FMN2: variants seen among roughly 807,000 people sequenced by gnomAD.
FMN2 encodes formin 2, also known as formin-2.
FMN2 carries 51 observed loss-of-function variants against 142.3 expected under a neutral mutation model. The observed-to-expected ratio is 0.36, with a 90% CI of 0.29 to 0.45. The LOEUF is 0.45. Among genes scored for constraint, FMN2 ranks in the 20% least tolerant of loss-of-function variants. The pLI is 1.00. For synonymous variants in FMN2, 882 were observed against 869.8 expected (o/e 1.01, Z -0.25); for missense variants, 1,936 against 2,122.8 (o/e 0.91, Z 1.73).
At position 240,092,414 on chromosome 1, in the gene FMN2, C is replaced by G; in HGVS notation, c.305C>G (p.Ala102Gly). The change falls in exon 1 of 18, where the codon GCC (alanine) becomes GGC (glycine). Residue 102 changes from alanine (A) to glycine (G), a missense_variant. Transcript: ENST00000319653. Reference sequence around the variant, plus strand: ...CGCGAAGATGTACTGGATTCCCAGGCCCTGCAGACCGGGGAGCTGGACAGC... The same window carrying G: ...CGCGAAGATGTACTGGATTCCCAGGGCCTGCAGACCGGGGAGCTGGACAGC... The part of the protein sequence containing the change: ...GSREDVLDSQ[A>G]LQTGELDSAH... 1 of 1,612,398 alleles carries G rather than the reference C, an allele frequency of 6.2e-7. No individual in the cohort carries two copies. Among genetic ancestry groups the G allele is most frequent in the East Asian group, 2.2e-5 (1 of 44,804 alleles).
At chr1:240,137,511 A>T (rs1484438807) in intron 2 of FMN2, among the ~76,000 whole-genome samples, 1 of 152,206 alleles carries the variant, frequency 6.6e-6, no homozygotes, top group Admixed American at 6.5e-5. Context: ...CTCTATACTC[A>T]TGTAATACAT....
chr1:240,278,216 G>T (rs1669282807), intron 7 of FMN2, among the ~76,000 whole-genome samples: 1 of 152,278 alleles, frequency 6.6e-6, no homozygotes, highest in South Asian at 2.1e-4. Context: ...TGTCTGGAAT[G>T]AGCATTTGTA....
intron 8 of FMN2, among the ~76,000 whole-genome samples, chr1:240,318,382 G>A (rs935077573): frequency 1.3e-5 from 2 of 152,154 alleles, no homozygotes; most frequent in African/African-American, 2.4e-5. Flanking sequence ...CCTTTGTCTG[G>A]AGGAAGGAAA....
intron 7 of FMN2, among the ~76,000 whole-genome samples, chr1:240,293,776 T>C (rs1234168639): frequency 3.9e-5 from 6 of 152,122 alleles, no homozygotes; most frequent in Admixed American, 2.6e-4. Context: ...TTTTGGTGAA[T>C]CTGGGCTCCC....
At chr1:240,412,767 TG>T (rs1167898114) in intron 15 of FMN2, among the ~76,000 whole-genome samples, 2 of 152,038 alleles carry the variant, frequency 1.3e-5, no homozygotes, top group Non-Finnish European at 2.9e-5. Context: ...GGAAATGCAA[TG>T]CTTCCGGAGA....
chr1:240,467,710 G>A (rs1676668941), intron 16 of FMN2, among the ~76,000 whole-genome samples: 1 of 152,162 alleles, frequency 6.6e-6, no homozygotes, highest in South Asian at 2.1e-4. Context: ...CTGTTTCTGA[G>A]CATTGCTAGA....
At chr1:240,182,920 T>TA (rs930519228) in intron 3 of FMN2, among the ~76,000 whole-genome samples, 16 of 69,008 alleles carry the variant, frequency 2.3e-4, no homozygotes, top group African/African-American at 1.1e-3. Context: ...TTTTCTTTTC[T>TA]TTTTTTTTTT....
chr1:240,389,306 T>C (rs1453546604), intron 14 of FMN2, among the ~76,000 whole-genome samples: 1 of 152,166 alleles, frequency 6.6e-6, no homozygotes, highest in East Asian at 1.9e-4. Context: ...TAGAAAACAA[T>C]ACATGTATAA....
chr1:240,189,280 C>T (rs1003231244), intron 4 of FMN2, among the ~76,000 whole-genome samples: 5 of 151,860 alleles, frequency 3.3e-5, no homozygotes, highest in African/African-American at 1.2e-4. Context: ...TTTACATTTT[C>T]ACCCAACTAT....
chr1:240,189,752 CTTAA>C (rs1312410462), intron 4 of FMN2, among the ~76,000 whole-genome samples: 1 of 152,056 alleles, frequency 6.6e-6, no homozygotes, highest in Non-Finnish European at 1.5e-5. Flanking sequence ...CTGATGGTTC[CTTAA>C]TTATCTGCAA....
intron 1 of FMN2, among the ~76,000 whole-genome samples, chr1:240,100,866 C>T (rs1661386273): frequency 6.6e-6 from 1 of 152,154 alleles, no homozygotes; most frequent in Admixed American, 6.5e-5. Flanking sequence ...GAAAATCAAG[C>T]CTATATTATG....
intron 6 of FMN2, among the ~76,000 whole-genome samples, chr1:240,237,322 C>A (rs905229722): frequency 6.6e-6 from 1 of 152,148 alleles, no homozygotes; most frequent in Non-Finnish European, 1.5e-5. Context: ...GAGCTGCTTA[C>A]AGTTGTTCAA....
chr1:240,215,588 T>G (rs2103411821), intron 6 of FMN2, among the ~76,000 whole-genome samples: 1 of 152,364 alleles, frequency 6.6e-6, no homozygotes, highest in East Asian at 1.9e-4. Context: ...AATTAAATAC[T>G]TTAAAAAAAG....
chr1:240,187,974 G>GGCA (rs1317780441), intron 3 of FMN2, among the ~76,000 whole-genome samples: 2 of 152,014 alleles, frequency 1.3e-5, no homozygotes, highest in African/African-American at 4.8e-5. Context: ...TATAGAGAAG[G>GGCA]GCATAGGAAT....
chr1:240,172,221 A>G (rs1185071713), intron 2 of FMN2, among the ~76,000 whole-genome samples: 4 of 112,868 alleles, frequency 3.5e-5, no homozygotes, highest in East Asian at 5.4e-4. Context: ...CACACACAGA[A>G]AAAGACATTT....
chr1:240,268,626 A>G (rs1445813234), intron 7 of FMN2, among the ~76,000 whole-genome samples: 3 of 152,052 alleles, frequency 2.0e-5, no homozygotes, highest in African/African-American at 4.8e-5. Flanking sequence ...GTAGAGACAT[A>G]GACAGATGCT....
intron 15 of FMN2, among the ~76,000 whole-genome samples, chr1:240,410,619 A>AT (rs1217316800): frequency 6.6e-6 from 1 of 152,102 alleles, no homozygotes; most frequent in Admixed American, 6.6e-5. Flanking sequence ...ATATTGAGAA[A>AT]TTTTTTGGGA....
chr1:240,257,891 AG>A, intron 6 of FMN2, 53 bp from the exon 7 acceptor site: 1 of 1,408,146 alleles, frequency 7.1e-7, no homozygotes, highest in Non-Finnish European at 1.0e-6. Flanking sequence ...AATGCTAGTA[AG>A]CATATTGGAG....
At chr1:240,170,847 A>G (rs1395830279) in intron 2 of FMN2, 3 of 820,150 alleles carry the variant, frequency 3.7e-6, no homozygotes, top group African/African-American at 1.7e-5. Flanking sequence ...ACATCCATCA[A>G]GATAAATTTC....
Sources: gnomAD v4.1 joint callset for allele counts (sites outside exome capture counted in the v4.1 genomes callset) on GRCh38, gnomAD v4.1.1 for gene constraint, MANE v1.5 for transcripts, NCBI Gene and HGNC (gene_info 2026-07-23, HGNC 2026-07-21) for gene names.